LRP2: variants seen among roughly 807,000 people sequenced by gnomAD.
LRP2 encodes the protein LDL receptor related protein 2, also known as low-density lipoprotein receptor-related protein 2.
In LRP2, 172 loss-of-function variants were observed where a neutral mutation model predicts 531.0. The observed-to-expected ratio is 0.32, with a 90% confidence interval of 0.29 to 0.37. The LOEUF (loss-of-function observed/expected upper bound fraction) is 0.37. Ranked by LOEUF, LRP2 falls within the 10% of genes least tolerant of loss-of-function variation. LRP2 has a pLI of 1.00. For missense variants in LRP2, 5,167 were observed against 5,868.3 expected, an observed-to-expected ratio of 0.88 and a Z score of 3.90; for synonymous variants, 1,992 against 2,027.6, an observed-to-expected ratio of 0.98 and a Z score of 0.47.
At chr2:169,326,675 C>T (rs1437515201) in intron 1 of LRP2, among the ~76,000 whole-genome samples, 1 of 152,028 alleles carries the variant, frequency 6.6e-6, no homozygotes, top group African/African-American at 2.4e-5. Flanking sequence ...GCCTGGCCGC[C>T]CATCGTCTGG....
chr2:169,198,701 C>A, intron 45 of LRP2, 85 bp downstream of exon 45: 1 of 1,522,938 alleles, frequency 6.6e-7, no homozygotes. Flanking sequence ...GAAATCAGCC[C>A]GAATACCCAC....
rs1228705499 is a variant in LRP2 at position 169,205,916 on chromosome 2, T to C, written c.7556+107A>G. The C allele has an allele frequency of 4.3e-6, 6 of 1,407,884 alleles. No homozygotes were observed. The African/African-American group carries it at 5.7e-5, about 13-fold the overall frequency. 87.2% of individuals were successfully genotyped at this position (1,407,884 alleles called of 1,614,324 possible). A position where few individuals can be genotyped will look rare whatever the true frequency, so the allele number is the denominator to read the frequency against. ...GCTTTCATTTTTGAATCTGTAGCCATAGTTTTATAAGCCCATAACACATTG... is the reference window on the plus strand; with the variant it reads ...GCTTTCATTTTTGAATCTGTAGCCACAGTTTTATAAGCCCATAACACATTG... On this transcript the variant is annotated intron_variant, in intron 40 of 78. Coordinates refer to ENST00000649046, the MANE Select transcript of LRP2 (RefSeq NM_004525.3).
At chr2:169,310,786 C>T (rs1684573261) in intron 3 of LRP2, among the ~76,000 whole-genome samples, 1 of 152,184 alleles carries the variant, frequency 6.6e-6, no homozygotes, top group African/African-American at 2.4e-5. Context: ...GTACCAGCTC[C>T]TCCTTGTACC....
intron 46 of LRP2, among the ~76,000 whole-genome samples, 155 bp downstream of exon 46, chr2:169,196,756 T>C (rs1038700927): frequency 2.0e-5 from 3 of 152,202 alleles, no homozygotes; most frequent in Non-Finnish European, 2.9e-5. Context: ...TCTTAATGAA[T>C]ATCCGCTGAG....
At chr2:169,210,505 C>G (rs1688555723) in intron 37 of LRP2, among the ~76,000 whole-genome samples, 1 of 152,146 alleles carries the variant, frequency 6.6e-6, no homozygotes, top group Admixed American at 6.6e-5. Context: ...AGCAATTAGA[C>G]CTAACTTCCA....
intron 50 of LRP2, among the ~76,000 whole-genome samples, chr2:169,183,272 A>T (rs1180133971): frequency 6.6e-6 from 1 of 152,230 alleles, no homozygotes; most frequent in East Asian, 1.9e-4. Flanking sequence ...GCATCGCTTC[A>T]GGCTTCAGCA....
intron 58 of LRP2, 152 bp downstream of exon 58, chr2:169,171,863 G>C: frequency 1.1e-6 from 1 of 917,148 alleles, no homozygotes; most frequent in Admixed American, 2.0e-5. Context: ...AGAGAAAGTA[G>C]AAATGTACTG....
chr2:169,279,108 G>C (rs145748714), intron 12 of LRP2, among the ~76,000 whole-genome samples: 19 of 152,192 alleles, frequency 1.2e-4, no homozygotes, highest in African/African-American at 4.6e-4. Flanking sequence ...CAAACACTAA[G>C]AATAAAATTC....
intron 12 of LRP2, among the ~76,000 whole-genome samples, chr2:169,278,461 G>A (rs1369283653): frequency 6.6e-6 from 1 of 151,946 alleles, no homozygotes; most frequent in African/African-American, 2.4e-5. Flanking sequence ...TCCAGCCTGG[G>A]CAACAGAGCA....
rs2105411441 is a variant in LRP2, at chr2:169,259,160, C to G, written c.2378G>C (p.Trp793Ser). ...TGTCCAATAGAGATTCTTTGAAATCCAATCAAAAGCCAAACTTTCAACATT... is the reference window on the plus strand; with the variant it reads ...TGTCCAATAGAGATTCTTTGAAATCGAATCAAAAGCCAAACTTTCAACATT... Reference protein sequence around the residue: ...VENVESLAFDWISKNLYWTDS... With the variant: ...VENVESLAFDSISKNLYWTDS... Residue 793 changes from tryptophan to serine, a missense_variant, in exon 17 of 79, where the codon TGG becomes TCG. Physicochemically the swap from Trp to Ser is radical, Grantham distance 177 (BLOSUM62 -3). Transcript: ENST00000649046. 1 of 1,613,270 alleles carries G rather than the reference C, an allele frequency of 6.2e-7. No homozygotes were observed. Among genetic ancestry groups the G allele is most frequent in the Non-Finnish European group, 8.5e-7 (1 of 1,179,558 alleles).
intron 3 of LRP2, among the ~76,000 whole-genome samples, chr2:169,313,467 G>A (rs1255438222): frequency 6.6e-6 from 1 of 152,178 alleles, no homozygotes; most frequent in East Asian, 1.9e-4. Context: ...GGAGTTTGCT[G>A]GAGGTCCACT....
intron 47 of LRP2, among the ~76,000 whole-genome samples, chr2:169,192,748 A>C (rs1208770692): frequency 6.6e-6 from 1 of 152,208 alleles, no homozygotes; most frequent in Non-Finnish European, 1.5e-5. Flanking sequence ...AAACAAAAGA[A>C]AGAAGATGAT....
chr2:169,176,690 T>TAAA, intron 53 of LRP2, 102 bp from the exon 54 acceptor site: 2 of 871,030 alleles, frequency 2.3e-6, no homozygotes, highest in East Asian at 2.8e-5. Context: ...CACCTCTTAG[T>TAAA]AAAAAAAAAA....
chr2:169,223,260 A>C (rs1252788146), intron 33 of LRP2, among the ~76,000 whole-genome samples: 1 of 152,170 alleles, frequency 6.6e-6, no homozygotes, highest in African/African-American at 2.4e-5. Flanking sequence ...TGGCCTTACC[A>C]ATCCATACAC....
chr2:169,342,861 C>G (rs1280883329), intron 1 of LRP2, among the ~76,000 whole-genome samples: 1 of 152,206 alleles, frequency 6.6e-6, no homozygotes, highest in Non-Finnish European at 1.5e-5. Flanking sequence ...CCAAGTCTAG[C>G]TTGACAGCTT....
intron 34 of LRP2, among the ~76,000 whole-genome samples, chr2:169,216,879 C>G (rs1688817510): frequency 6.6e-6 from 1 of 152,172 alleles, no homozygotes; most frequent in Non-Finnish European, 1.5e-5. Context: ...ACAAGACCGG[C>G]TACTTAATTA....
In LRP2 at chr2:169,280,415, C is replaced by T. The variant is rs1320178546; in HGVS notation, c.1276G>A (p.Ala426Thr). ...TGATAGTGGAAAGCCACACCCACGG[C>T]CACTCCACGATTCTGAGACTCCACT... Reference protein sequence around the residue: ...ILVESQNRGVAVGVAFHYHLQ... With the variant: ...ILVESQNRGVTVGVAFHYHLQ... Residue 426 changes from alanine (A) to threonine (T), a missense_variant, in exon 11 of 79, where the codon GCC (alanine) becomes ACC (threonine). Ala to Thr is a moderately conservative substitution (Grantham distance 58). This residue lies in a region of LRP2 where 2,811 missense variants were observed against 3,058.0 expected (regional missense o/e 0.92). Transcript: ENST00000649046. 6.2e-7 allele frequency: 1 copy of T among 1,614,140 alleles called. No individual in the cohort carries two copies.
At chr2:169,329,868 G>T (rs778861443) in intron 1 of LRP2, among the ~76,000 whole-genome samples, 3 of 152,222 alleles carry the variant, frequency 2.0e-5, no homozygotes, top group Non-Finnish European at 4.4e-5. Context: ...TCCGTGGCCT[G>T]CTAGGAACCA....
Position 169,193,633 on chromosome 2 carries a change from G to A in LRP2, c.8830+128C>T, listed in dbSNP as rs73033872. On this transcript the variant is annotated intron_variant, in intron 47 of 78. Transcript: ENST00000649046. The stretch of plus-strand genomic sequence containing the variant: ...ACACTCCCAGCATGGAGAAACAAAG[G>A]TAACATTCTATCAGTGTCCATTCAA... 0.015 allele frequency: 16,937 copies of A among 1,164,866 alleles called. 203 individuals are homozygous for A. Among genetic ancestry groups the A allele is most frequent in the African/African-American group, 0.06 (3,956 of 66,264 alleles). 72.2% of individuals were successfully genotyped at this position (1,164,866 alleles called of 1,614,324 possible). A position where few individuals can be genotyped will look rare whatever the true frequency, so the allele number is the denominator to read the frequency against.
Sources: allele counts gnomAD v4.1 joint callset (sites outside exome capture counted in the v4.1 genomes callset), GRCh38; gene constraint gnomAD v4.1.1; regional missense constraint gnomAD v4.1.1; transcripts MANE v1.5; gene names NCBI Gene and HGNC (gene_info 2026-07-23, HGNC 2026-07-21).